USP25: variants seen among roughly 807,000 people sequenced by gnomAD.
USP25 encodes the protein ubiquitin specific peptidase 25, also known as ubiquitin carboxyl-terminal hydrolase 25.
USP25 carries 85 observed loss-of-function variants against 158.5 expected under a neutral mutation model. The observed-to-expected ratio is 0.54, with a 90% confidence interval of 0.45 to 0.64. The LOEUF is 0.64. Ranked by LOEUF, USP25 falls within the 30% of genes least tolerant of loss-of-function variation. The pLI, the probability that USP25 is intolerant of heterozygous loss-of-function variation, is 0.00. For missense variants in USP25, 1,242 were observed against 1,327.3 expected, an observed-to-expected ratio of 0.94 and a Z score of 1.00; for synonymous variants, 464 against 460.4, an observed-to-expected ratio of 1.01 and a Z score of -0.10.
intron 17 of USP25, among the ~76,000 whole-genome samples, chr21:15,836,517 C>T (rs1192010480): frequency 2.0e-5 from 3 of 150,260 alleles, no homozygotes; most frequent in Non-Finnish European, 3.0e-5. Context: ...GTGTGGGGAT[C>T]AGAATGAGTA....
chr21:15,763,265 C>T (rs749150397), intron 2 of USP25, among the ~76,000 whole-genome samples: 4 of 151,924 alleles, frequency 2.6e-5, no homozygotes, highest in Non-Finnish European at 4.4e-5. Flanking sequence ...GTTTTACTTA[C>T]GAGCTGTGAT....
Position 15,766,128 on chromosome 21 carries a change from C to T in USP25, c.255C>T (p.Ser85=), listed in dbSNP as rs1336243518. 2 of 1,592,952 alleles carry T rather than the reference C, an allele frequency of 1.3e-6. No homozygotes were observed. The highest frequency in any genetic ancestry group is 1.7e-6 in the Non-Finnish European group (2 of 1,172,992). The change falls in exon 3 of 26, where the codon AGC becomes AGT. Residue 85 remains serine, a synonymous_variant. Coordinates refer to ENST00000400183, the MANE Select transcript of USP25 (RefSeq NM_001283041.3). This position sits in a 1 kb window ranked among gnomAD's most constrained non-coding sequence, Gnocchi z 4.0. ...PGNDRYISVG[S]QADTNVIDLT... is the part of the protein sequence containing the mutation. ...ATGATAGATACATCAGTGTGGGAAG[C>T]CAAGCAGATACAAGTAAGTTTTCTT...
intron 20 of USP25, among the ~76,000 whole-genome samples, chr21:15,856,621 G>A (rs562868751): frequency 5.3e-5 from 8 of 152,120 alleles, no homozygotes; most frequent in South Asian, 2.1e-4. Flanking sequence ...ACAGGTGCCC[G>A]CTACCACGCC....
Position 15,878,440 on chromosome 21 carries a change from T to G in USP25, c.3343T>G (p.Leu1115Val). 6.2e-7 allele frequency: 1 copy of G among 1,614,054 alleles called. No homozygotes were observed. Among genetic ancestry groups the G allele is most frequent in the East Asian group, 2.2e-5 (1 of 44,880 alleles). The change falls in exon 26 of 26, where the codon TTG (leucine) becomes GTG (valine). Residue 1115 changes from leucine to valine, a missense_variant. This residue lies in a region of USP25 where 608 missense variants were observed against 605.2 expected (regional missense o/e 1.00). Coordinates refer to ENST00000400183, the MANE Select transcript of USP25 (RefSeq NM_001283041.3). ...CTGTGAGCGATTTGCCCGAATCATG[T>G]TGTCCCTCAGTCGAACTCCTGCTGA... is the stretch of plus-strand genomic sequence containing the variant. ...ELCERFARIM[L>V]SLSRTPADGR
intron 1 of USP25, among the ~76,000 whole-genome samples, chr21:15,759,959 T>A (rs997991546): frequency 2.0e-5 from 3 of 152,258 alleles, no homozygotes; most frequent in Non-Finnish European, 4.4e-5. Context: ...TGACTTTGTT[T>A]GTGTACTTTA....
chr21:15,864,434 GT>G lies in USP25; in HGVS notation c.2718del (p.Phe906LeufsTer8), dbSNP rs2039569741. 6.3e-7 allele frequency: 1 copy of G among 1,595,954 alleles called. No individual in the cohort carries two copies. The highest frequency in any genetic ancestry group is 1.4e-5 in the African/African-American group (1 of 73,554). On this transcript the variant is annotated frameshift_variant, in exon 21 of 26. Transcript: ENST00000400183. LOFTEE classifies it high-confidence loss of function. ...GAACAATTTGGAGATAGAAATTTGA[GT>G]TTTGATGAAAGGTAATTTGAAAGTA... is the stretch of plus-strand genomic sequence containing the variant. ...LLEQFGDRNL[S>X]FDERCHNIMK... is the part of the protein sequence containing the mutation.
intron 10 of USP25, among the ~76,000 whole-genome samples, chr21:15,822,242 A>C (rs1352875165): frequency 6.6e-6 from 1 of 152,004 alleles, no homozygotes; most frequent in African/African-American, 2.4e-5. Context: ...ATATTTTAAA[A>C]CATGAATTTA....
At chr21:15,830,153 T>C (rs1274394404) in intron 14 of USP25, among the ~76,000 whole-genome samples, 1 of 152,206 alleles carries the variant, frequency 6.6e-6, no homozygotes, top group African/African-American at 2.4e-5. Context: ...GTTATGTGTG[T>C]GTACAAGATA....
chr21:15,867,702 T>G (rs1273610603), intron 22 of USP25, among the ~76,000 whole-genome samples: 1 of 152,124 alleles, frequency 6.6e-6, no homozygotes, highest in African/African-American at 2.4e-5. Flanking sequence ...ATCAATTTTA[T>G]TCCCTTTTGC....
intron 17 of USP25, among the ~76,000 whole-genome samples, chr21:15,842,168 C>A (rs985306241): frequency 1.3e-5 from 2 of 152,126 alleles, no homozygotes; most frequent in African/African-American, 4.8e-5. Context: ...TTACCATAAA[C>A]TATAATGAGA....
intron 3 of USP25, among the ~76,000 whole-genome samples, chr21:15,769,190 G>A (rs1434573982): frequency 6.6e-6 from 1 of 151,994 alleles, no homozygotes; most frequent in Non-Finnish European, 1.5e-5. Context: ...AACAATTTGT[G>A]AGCCTTCCTT....
chr21:15,756,327 G>A (rs2033374489), intron 1 of USP25, among the ~76,000 whole-genome samples: 2 of 152,304 alleles, frequency 1.3e-5, no homozygotes, highest in South Asian at 4.1e-4. Flanking sequence ...GAATGTTGGA[G>A]AGAGACCTTG....
At chr21:15,730,881 G>C (rs1348802213) in intron 1 of USP25, among the ~76,000 whole-genome samples, 1 of 151,880 alleles carries the variant, frequency 6.6e-6, no homozygotes, top group East Asian at 1.9e-4. Context: ...TACCTGCCTC[G>C]CGGGGCAGGC....
chr21:15,804,257 T>C (rs1046365907), intron 6 of USP25, among the ~76,000 whole-genome samples: 22 of 151,854 alleles, frequency 1.4e-4, no homozygotes, highest in African/African-American at 1.9e-4. Context: ...GGAAAAGATA[T>C]AGAAATTCTT....
chr21:15,743,146 T>C (rs2032217600), intron 1 of USP25, among the ~76,000 whole-genome samples: 1 of 152,138 alleles, frequency 6.6e-6, no homozygotes, highest in Non-Finnish European at 1.5e-5. Context: ...GCTTTGTGAA[T>C]GGGGGTGTAT....
intron 17 of USP25, among the ~76,000 whole-genome samples, chr21:15,838,836 CCTT>C (rs1184014848): frequency 1.3e-5 from 2 of 152,064 alleles, no homozygotes; most frequent in African/African-American, 4.8e-5. Context: ...GTAAAGTTGA[CCTT>C]CTTAAAAGAT....
chr21:15,817,490 T>C (rs185920773), intron 9 of USP25, among the ~76,000 whole-genome samples: 1 of 152,266 alleles, frequency 6.6e-6, no homozygotes, highest in East Asian at 1.9e-4. Flanking sequence ...TATTCTTAGA[T>C]TTAACCATTC....
chr21:15,852,594 C>T (rs768445314), intron 20 of USP25, among the ~76,000 whole-genome samples: 25 of 151,948 alleles, frequency 1.6e-4, no homozygotes, highest in African/African-American at 4.6e-4. Context: ...CACATATAGT[C>T]GGAGATGAAA....
rs1162948045 is a variant in USP25, at chr21:15,843,129, A to T, written c.2337+589A>T. Among the ~76,000 whole-genome samples the T allele has an allele frequency of 6.9e-6, 1 of 145,074 alleles. No individual in the cohort carries two copies. Among genetic ancestry groups the T allele is most frequent in the African/African-American group, 2.8e-5 (1 of 35,484 alleles). ...GTAGTTTTCAACTACATCTTTTTAT[A>T]GCGGTAAATTGAGCATGTTTGGTGT... On this transcript the variant is annotated intron_variant, in intron 18 of 25. Transcript: ENST00000400183. The surrounding 1 kb of genome is among the most constrained non-coding windows in gnomAD (Gnocchi z 4.0).
Sources: gnomAD v4.1 joint callset for allele counts (sites outside exome capture counted in the v4.1 genomes callset) on GRCh38, gnomAD v4.1.1 for gene constraint, gnomAD v4.1.1 regional missense constraint, Gnocchi (gnomAD v3.1) non-coding constraint, MANE v1.5 for transcripts, NCBI Gene and HGNC (gene_info 2026-07-23, HGNC 2026-07-21) for gene names.